Variants in CNGB1 observed in about 807,000 individuals in gnomAD.
CNGB1 encodes the protein cyclic nucleotide-gated channel beta-1.
Under a neutral mutation model 151.7 loss-of-function variants are expected in CNGB1, and 126 were observed. That is an observed-to-expected ratio of 0.83 (90% CI 0.72 to 0.96). The LOEUF (loss-of-function observed/expected upper bound fraction) is 0.96, where lower values mean the gene tolerates loss of function less well. Among genes scored for constraint, CNGB1 ranks in the 40% least tolerant of loss-of-function variants. The pLI is 0.00. For missense variants in CNGB1, 1,698 were observed against 1,627.0 expected (o/e 1.04, Z -0.75); for synonymous variants, 623 against 635.1 (o/e 0.98, Z 0.29).
chr16:57,886,637 G>A (rs188534679), intron 32 of CNGB1, among the ~76,000 whole-genome samples: 38 of 152,184 alleles, frequency 2.5e-4, no homozygotes, highest in African/African-American at 9.2e-4. Context: ...GGGCTCCTTT[G>A]AACTCTGCTG....
intron 15 of CNGB1, among the ~76,000 whole-genome samples, chr16:57,939,798 C>T (rs1026088658): frequency 6.6e-6 from 1 of 152,220 alleles, no homozygotes; most frequent in Admixed American, 6.5e-5. Flanking sequence ...CCAGGACCTA[C>T]GGGTCCTAAC....
chr16:57,940,895 G>C (rs543256950), intron 14 of CNGB1, among the ~76,000 whole-genome samples: 24 of 152,180 alleles, frequency 1.6e-4, no homozygotes, highest in African/African-American at 5.8e-4. Context: ...TGGGTGCCGG[G>C]CCCAAGCAGC....
chr16:57,958,498 G>C lies in CNGB1; in HGVS notation c.762-13C>G. On this transcript the variant is annotated splice_polypyrimidine_tract_variant and intron_variant, in intron 10 of 32. Transcript: ENST00000251102. ...CCATGCCACCAGCCTGCAGGTGGGA[G>C]AGAGTGTGCGGTGTCCAGGTGGGAA... 6.2e-7 allele frequency: 1 copy of C among 1,612,016 alleles called. No individual in the cohort carries two copies. The highest frequency in any genetic ancestry group is 1.3e-5 in the African/African-American group (1 of 75,032).
rs1960262828 is a variant in CNGB1, at chr16:57,897,455, G to A, written c.3184C>T (p.Leu1062=). 6.2e-7 allele frequency: 1 copy of A among 1,614,206 alleles called. No individual in the cohort carries two copies. Among genetic ancestry groups the A allele is most frequent in the South Asian group, 1.1e-5 (1 of 91,084 alleles). Residue 1062 remains leucine (L), a synonymous_variant, in exon 31 of 33, where the codon CTG becomes TTG. Coordinates refer to ENST00000251102, the MANE Select transcript of CNGB1 (RefSeq NM_001297.5). ...TNLFILDKKD[L]NEILVHYPES... ...GGATAATGCACCAAAATCTCATTCA[G>A]GTCCTTCTTATCCAGGATGAAGAGG...
chr16:57,898,060 G>A (rs1311312611), intron 29 of CNGB1, 146 bp from the exon 30 acceptor site: 2 of 795,808 alleles, frequency 2.5e-6, no homozygotes, highest in Admixed American at 1.9e-5. Context: ...GGGGTGTCGT[G>A]TGGGGGCAGT....
At chr16:57,926,366 C>T (rs1326825953) in intron 17 of CNGB1, among the ~76,000 whole-genome samples, 1 of 152,134 alleles carries the variant, frequency 6.6e-6, no homozygotes, top group Admixed American at 6.5e-5. Flanking sequence ...CCACTGGGAC[C>T]CAAACCTGAG....
chr16:57,923,044 C>T, intron 18 of CNGB1: 1 of 421,582 alleles, frequency 2.4e-6, no homozygotes, highest in South Asian at 2.1e-5. Context: ...CTGAGCACTG[C>T]TGGCCGTGGA....
At chr16:57,912,828 GTGT>G (rs1270474736) in intron 24 of CNGB1, 99 bp downstream of exon 24, 3 of 1,165,946 alleles carry the variant, frequency 2.6e-6, no homozygotes, top group Non-Finnish European at 3.8e-6. Flanking sequence ...TGTCGTGTGT[GTGT>G]TGTGTGTGTG....
chr16:57,918,067 A>G (rs1410893941), intron 20 of CNGB1, among the ~76,000 whole-genome samples: 3 of 151,854 alleles, frequency 2.0e-5, no homozygotes, highest in Non-Finnish European at 4.4e-5. Flanking sequence ...GGATGGATGG[A>G]TGGATGGATG....
chr16:57,945,329 A>T (rs1342376857), intron 14 of CNGB1, among the ~76,000 whole-genome samples: 1 of 152,254 alleles, frequency 6.6e-6, no homozygotes, highest in Non-Finnish European at 1.5e-5. Flanking sequence ...TGAAATAGAT[A>T]CAGGTTCTGT....
At chr16:57,915,399 G>C in intron 22 of CNGB1, 64 bp from the exon 23 acceptor site, 4 of 1,265,680 alleles carry the variant, frequency 3.2e-6, no homozygotes, top group East Asian at 2.4e-5. Flanking sequence ...GGTGAGGGGA[G>C]TGAGAGGCGG....
chr16:57,928,558 A>G (rs1398697828), intron 17 of CNGB1, among the ~76,000 whole-genome samples: 5 of 152,248 alleles, frequency 3.3e-5, no homozygotes, highest in Non-Finnish European at 7.3e-5. Context: ...AATGCAGAGT[A>G]GTAAAAACAC....
At chr16:57,940,160 G>A (rs1351347339) in intron 15 of CNGB1, 74 bp downstream of exon 15, 1 of 1,413,610 alleles carries the variant, frequency 7.1e-7, no homozygotes, top group East Asian at 2.5e-5. Context: ...TGTAAGCAAA[G>A]TGGACAAGGT....
At chr16:57,930,170 T>C (rs1393251858) in intron 17 of CNGB1, among the ~76,000 whole-genome samples, 1 of 152,024 alleles carries the variant, frequency 6.6e-6, no homozygotes, top group African/African-American at 2.4e-5. Context: ...GGCCAAGAGA[T>C]GGAAACAATA....
intron 31 of CNGB1, among the ~76,000 whole-genome samples, chr16:57,897,160 G>T (rs1461783036): frequency 1.3e-5 from 2 of 151,914 alleles, no homozygotes; most frequent in Non-Finnish European, 2.9e-5. Context: ...AAATTAGCTG[G>T]GAATGGTGGT....
At chr16:57,949,464 G>T (rs759861119) in intron 13 of CNGB1, 25 bp from the exon 14 acceptor site, 1 of 1,613,182 alleles carries the variant, frequency 6.2e-7, no homozygotes, top group Non-Finnish European at 8.5e-7. Context: ...GAGGCAGGAG[G>T]TGAGCCCACC....
In CNGB1 at chr16:57,962,961, G is replaced by A. The variant is rs1441816205; in HGVS notation, c.381+13C>T. On this transcript the variant is annotated intron_variant, in intron 5 of 32. Transcript: ENST00000251102. Reference sequence around the variant, plus strand: ...TCCAACCCGGCCCCTTCAGCCTCCAGCCCCAGCAGTACCTGAGCCGGGTCC... The same window carrying A: ...TCCAACCCGGCCCCTTCAGCCTCCAACCCCAGCAGTACCTGAGCCGGGTCC... 1.9e-6 allele frequency: 3 copies of A among 1,612,878 alleles called. No homozygotes were observed. The highest frequency in any genetic ancestry group is 1.7e-6 in the Non-Finnish European group (2 of 1,179,982).
rs375237309 is a variant in CNGB1, at chr16:57,931,894, G to C, written c.1373-16C>G. ...GTGGCAGGCACTGGGGGAGAGGAAG[G>C]AGAGGAGAAAGTCAGAGAGAGACAA... is the stretch of plus-strand genomic sequence containing the variant. On this transcript the variant is annotated splice_polypyrimidine_tract_variant and intron_variant, in intron 16 of 32. Transcript: ENST00000251102. The C allele has an allele frequency of 2.8e-5, 45 of 1,613,698 alleles. No homozygotes were observed. The African/African-American group carries it at 5.7e-4, about 21-fold the overall frequency.
At chr16:57,916,274 G>C (rs440565) in intron 21 of CNGB1, 95 bp from the exon 22 acceptor site, 806,483 of 1,222,028 alleles carry the variant, frequency 0.66, 269,692 homozygotes, top group African/African-American at 0.87. Context: ...ACCCCACCCT[G>C]AAACGAGCAT....
Sources: allele counts gnomAD v4.1 joint callset (sites outside exome capture counted in the v4.1 genomes callset), GRCh38; gene constraint gnomAD v4.1.1; transcripts MANE v1.5; gene names NCBI Gene and HGNC (gene_info 2026-07-23, HGNC 2026-07-21).